Variants in LOC400499 observed in about 807,000 individuals in gnomAD.
At chr16:11,494,501 C>T in the LOC400499 span, 43 of 385,008 alleles carry the variant, frequency 1.1e-4, no homozygotes, top group African/African-American at 8.5e-4. Flanking sequence ...CCCTCTCCAC[C>T]TGGAGCTTGC....
At chr16:11,406,369 C>A in the LOC400499 span, among the ~76,000 whole-genome samples, 2 of 152,214 alleles carry the variant, frequency 1.3e-5, no homozygotes, top group Non-Finnish European at 2.9e-5. Flanking sequence ...TGTAATATTC[C>A]ATGGTGTATA....
At chr16:11,410,643 T>A in the LOC400499 span, among the ~76,000 whole-genome samples, 1 of 152,146 alleles carries the variant, frequency 6.6e-6, no homozygotes, top group African/African-American at 2.4e-5. Flanking sequence ...TGGTGGCTGG[T>A]AGGAAAATGA....
At chr16:11,423,556 A>G in the LOC400499 span, among the ~76,000 whole-genome samples, 194 of 152,376 alleles carry the variant, frequency 1.3e-3, 1 homozygote, top group Non-Finnish European at 2.2e-3. Flanking sequence ...AGTCAGGGAA[A>G]GAGGAAGCAT....
the LOC400499 span, among the ~76,000 whole-genome samples, chr16:11,376,160 C>A: frequency 6.6e-6 from 1 of 152,194 alleles, no homozygotes; most frequent in African/African-American, 2.4e-5. Flanking sequence ...TTCTGTAGGA[C>A]GCCTTTTCAC....
the LOC400499 span, among the ~76,000 whole-genome samples, chr16:11,435,021 A>C: frequency 6.6e-6 from 1 of 152,234 alleles, no homozygotes; most frequent in Admixed American, 6.5e-5. Context: ...ACTATTGCCC[A>C]GGCTGGGCTG....
At chr16:11,477,887 C>T in the LOC400499 span, 9 of 398,912 alleles carry the variant, frequency 2.3e-5, no homozygotes, top group Admixed American at 1.3e-4. Context: ...TCCTCGGACC[C>T]GGATGCTGAT....
At chr16:11,495,297 T>C in the LOC400499 span, among the ~76,000 whole-genome samples, 1 of 151,724 alleles carries the variant, frequency 6.6e-6, no homozygotes, top group Non-Finnish European at 1.5e-5. Flanking sequence ...ACTCCAGGGC[T>C]TCAGTGAAAG....
At chr16:11,399,992 C>T in the LOC400499 span, among the ~76,000 whole-genome samples, 1 of 151,854 alleles carries the variant, frequency 6.6e-6, no homozygotes, top group African/African-American at 2.4e-5. Context: ...GGAGAGACTG[C>T]CCTGCCTACC....
At chr16:11,451,830 T>G in the LOC400499 span, among the ~76,000 whole-genome samples, 1 of 152,038 alleles carries the variant, frequency 6.6e-6, no homozygotes, top group Non-Finnish European at 1.5e-5. Context: ...AAAGACACAG[T>G]GACGGGAAGG....
At chr16:11,386,101 G>T in the LOC400499 span, among the ~76,000 whole-genome samples, 1 of 152,200 alleles carries the variant, frequency 6.6e-6, no homozygotes, top group South Asian at 2.1e-4. Context: ...GGGGATGGGG[G>T]GAAACATTCA....
At chr16:11,428,734 G>A in the LOC400499 span, among the ~76,000 whole-genome samples, 1 of 152,206 alleles carries the variant, frequency 6.6e-6, no homozygotes, top group Admixed American at 6.5e-5. Flanking sequence ...ACGCAGCCCA[G>A]TAGGTCTCAG....
chr16:11,428,353 T>C, the LOC400499 span, among the ~76,000 whole-genome samples: 42,693 of 151,980 alleles, frequency 0.28, 7,557 homozygotes, highest in Admixed American at 0.44. Context: ...TTTGTATTTT[T>C]AGTAGAGACG....
At chr16:11,515,359 G>C in the LOC400499 span, among the ~76,000 whole-genome samples, 3 of 152,018 alleles carry the variant, frequency 2.0e-5, no homozygotes, top group African/African-American at 7.2e-5. Flanking sequence ...AAGAGGCTGA[G>C]ACAGGAGGAT....
the LOC400499 span, chr16:11,460,049 C>G: frequency 2.1e-6 from 3 of 1,433,468 alleles, no homozygotes; most frequent in South Asian, 4.7e-5. Flanking sequence ...CATGCCAGAG[C>G]TGGACCTGGG....
chr16:11,439,271 C>G, the LOC400499 span, among the ~76,000 whole-genome samples: 1 of 152,192 alleles, frequency 6.6e-6, no homozygotes, highest in Non-Finnish European at 1.5e-5. Context: ...CCCCCTTCAG[C>G]CTGGACCATC....
At chr16:11,381,606 A>C in the LOC400499 span, among the ~76,000 whole-genome samples, 3 of 152,234 alleles carry the variant, frequency 2.0e-5, no homozygotes, top group Admixed American at 2.0e-4. Context: ...GACTACGTAA[A>C]TGAACGTCGG....
At chr16:11,516,446 C>T in the LOC400499 span, 3 of 397,584 alleles carry the variant, frequency 7.5e-6, no homozygotes, top group African/African-American at 6.2e-5. Flanking sequence ...CATCCCCCCA[C>T]TAGATAGCCT....
the LOC400499 span, chr16:11,457,261 T>C: frequency 2.3e-3 from 1,232 of 525,216 alleles, 6 homozygotes; most frequent in Non-Finnish European, 3.5e-3. Context: ...TGTGAAATAG[T>C]GCAGCTACTG....
At chr16:11,445,673 G>T in the LOC400499 span, among the ~76,000 whole-genome samples, 8 of 152,282 alleles carry the variant, frequency 5.3e-5, no homozygotes, top group Middle Eastern at 3.4e-3. Flanking sequence ...ACGAAGCAGG[G>T]CTGAGGGGAC....
Sources: allele counts gnomAD v4.1 joint callset (sites outside exome capture counted in the v4.1 genomes callset), GRCh38; gene constraint gnomAD v4.1.1; transcripts MANE v1.5.